Variants in ZNF490 observed in about 807,000 individuals in gnomAD.
The protein encoded by ZNF490 is zinc finger protein 490.
In ZNF490, 11 loss-of-function variants were observed where a neutral mutation model predicts 17.7. That is an observed-to-expected ratio of 0.62 (90% CI 0.39 to 1.03). The LOEUF is 1.03. Among genes scored for constraint, ZNF490 ranks in the 50% least tolerant of loss-of-function variants. The pLI is 0.00. For synonymous variants in ZNF490, 222 were observed against 216.1 expected (o/e 1.03, Z -0.24); for missense variants, 542 against 643.4 (o/e 0.84, Z 1.71).
At chr19:12,605,126 C>T (rs1478972037) in intron 2 of ZNF490, among the ~76,000 whole-genome samples, 1 of 152,094 alleles carries the variant, frequency 6.6e-6, no homozygotes, top group Non-Finnish European at 1.5e-5. Context: ...ACACTCCAGC[C>T]TGGCAACAGA....
chr19:12,581,946 C>T (rs566871211), intron 4 of ZNF490, among the ~76,000 whole-genome samples: 65 of 152,238 alleles, frequency 4.3e-4, no homozygotes, highest in African/African-American at 1.5e-3. Flanking sequence ...ATTTTTGAGA[C>T]GGAGTCTCTC....
At chr19:12,610,185 G>A (rs2023128882) in intron 1 of ZNF490, among the ~76,000 whole-genome samples, 1 of 144,524 alleles carries the variant, frequency 6.9e-6, no homozygotes, top group South Asian at 2.2e-4. Context: ...GGTGTCCTAC[G>A]GATTGTTTTT....
In ZNF490 at chr19:12,580,350, C is replaced by A; in HGVS notation, c.*135G>T. Reference sequence around the variant, plus strand: ...AAATATTTCATTGCCGCATGAGTCACGTCTTCAAAGGGAATTAGGACAACT... The same window carrying A: ...AAATATTTCATTGCCGCATGAGTCAAGTCTTCAAAGGGAATTAGGACAACT... On this transcript the variant is annotated 3_prime_UTR_variant, in exon 5 of 5. Coordinates refer to ENST00000311437, the MANE Select transcript of ZNF490 (RefSeq NM_020714.3). 6.8e-7 allele frequency: 1 copy of A among 1,462,060 alleles called. No homozygotes were observed. The highest frequency in any genetic ancestry group is 1.6e-5 in the South Asian group (1 of 62,296). The allele number at this position is 1,462,060 out of a possible 1,614,324, so 90.6% of individuals were successfully genotyped here. A position where few individuals can be genotyped will look rare whatever the true frequency, so the allele number is the denominator to read the frequency against.
chr19:12,585,869 T>C lies in ZNF490; in HGVS notation c.163-2313A>G, dbSNP rs2022803275. Among the ~76,000 whole-genome samples, 2 of 93,322 alleles carry C rather than the reference T, an allele frequency of 2.1e-5. 1 individual carries two copies. The highest frequency in any genetic ancestry group is 6.4e-5 in the African/African-American group (2 of 31,270). The allele number at this position is 93,322 out of a possible 152,430, so 61.2% of individuals were successfully genotyped here. ...CACACCCAGCTAATTTTTGTATTTTTAGTAGAGACAGGGTGTTTCTTCATG... is the reference window on the plus strand; with the variant it reads ...CACACCCAGCTAATTTTTGTATTTTCAGTAGAGACAGGGTGTTTCTTCATG... On this transcript the variant is annotated intron_variant, in intron 2 of 4. Coordinates refer to ENST00000311437, the MANE Select transcript of ZNF490 (RefSeq NM_020714.3).
chr19:12,593,236 A>G (rs1241136656), intron 2 of ZNF490, among the ~76,000 whole-genome samples: 2 of 149,146 alleles, frequency 1.3e-5, no homozygotes, highest in African/African-American at 4.9e-5. Flanking sequence ...AGATTCCCAG[A>G]GTTTTGTGGG....
At chr19:12,602,433 C>G (rs2023019438) in intron 2 of ZNF490, among the ~76,000 whole-genome samples, 1 of 151,900 alleles carries the variant, frequency 6.6e-6, no homozygotes, top group African/African-American at 2.4e-5. Flanking sequence ...ACCTGTAGTC[C>G]CAACTATGTA....
At chr19:12,590,973 C>T (rs941562621) in intron 2 of ZNF490, among the ~76,000 whole-genome samples, 28 of 150,362 alleles carry the variant, frequency 1.9e-4, no homozygotes, top group Admixed American at 1.7e-3. Flanking sequence ...GAAAATAGAT[C>T]AAAGATGTAA....
At position 12,581,264 on chromosome 19, in the gene ZNF490, T is replaced by A. The variant is rs2022729264; in HGVS notation, c.811A>T (p.Asn271Tyr). ...YLTALRRHEK[N>Y]HTGEKPYKCK... ...TTGTAGGGTTTCTCTCCAGTGTGATTTTTTTCATGGCGCCGAAGAGCAGTG... is the reference window on the plus strand; with the variant it reads ...TTGTAGGGTTTCTCTCCAGTGTGATATTTTTCATGGCGCCGAAGAGCAGTG... Residue 271 changes from asparagine to tyrosine, a missense_variant, in exon 5 of 5, where the codon AAT becomes TAT. Asn to Tyr is a moderately radical substitution (Grantham distance 143). Transcript: ENST00000311437. 1 of 1,614,056 alleles carries A rather than the reference T, an allele frequency of 6.2e-7. No individual in the cohort carries two copies.
intron 2 of ZNF490, 110 bp downstream of exon 2, chr19:12,609,048 T>G (rs1032208978): frequency 1.9e-6 from 2 of 1,032,212 alleles, no homozygotes; most frequent in South Asian, 2.8e-5. Context: ...TGGGAGTGCC[T>G]TCACAAAGAC....
In ZNF490 at chr19:12,578,822, G is replaced by A. The variant is rs925460882; in HGVS notation, c.*1663C>T. On this transcript the variant is annotated 3_prime_UTR_variant, in exon 5 of 5. Coordinates refer to ENST00000311437, the MANE Select transcript of ZNF490 (RefSeq NM_020714.3). ...TGGATGCCACAAAAGGCCTGCTGGG[G>A]CCCAAGTCCTTCTTCCCCATTCCTT... 4 of 985,350 alleles carry A rather than the reference G, an allele frequency of 4.1e-6. No homozygotes were observed. In the African/African-American group the frequency reaches 5.2e-5, roughly 13 times the overall value. 61.0% of individuals were successfully genotyped at this position (985,350 alleles called of 1,614,324 possible). A position where few individuals can be genotyped will look rare whatever the true frequency, so the allele number is the denominator to read the frequency against.
Position 12,583,552 on chromosome 19 carries a change from G to T in ZNF490, c.167C>A (p.Ser56Tyr). ...CACAGCCACATCCTCAAGGGAGATG[G>T]AGTCCTAAAACATCCCCCATGTGTG... ...HGQSIKTQTD[S>Y]ISLEDVAVNF... The change falls in exon 3 of 5, where the codon TCC becomes TAC. Residue 56 changes from serine (S) to tyrosine (Y), a missense_variant. Coordinates refer to ENST00000311437, the MANE Select transcript of ZNF490 (RefSeq NM_020714.3). The T allele has an allele frequency of 6.3e-7, 1 of 1,595,708 alleles. No homozygotes were observed. Among genetic ancestry groups the T allele is most frequent in the Non-Finnish European group, 8.6e-7 (1 of 1,168,308 alleles).
intron 2 of ZNF490, among the ~76,000 whole-genome samples, chr19:12,593,249 T>A (rs2022894070): frequency 6.6e-6 from 1 of 151,656 alleles, no homozygotes; most frequent in African/African-American, 2.4e-5. Context: ...TTTGTGGGTT[T>A]TTTTTTTTTT....
intron 2 of ZNF490, among the ~76,000 whole-genome samples, chr19:12,601,870 T>C (rs1242400064): frequency 2.0e-5 from 3 of 151,678 alleles, no homozygotes; most frequent in Non-Finnish European, 4.4e-5. Flanking sequence ...GGCAGGCTCC[T>C]GTAGTCCCAG....
At chr19:12,596,122 G>A (rs1160281882) in intron 2 of ZNF490, among the ~76,000 whole-genome samples, 1 of 151,538 alleles carries the variant, frequency 6.6e-6, no homozygotes, top group Non-Finnish European at 1.5e-5. Context: ...AAAATGGGCC[G>A]GGTGTGGTGG....
chr19:12,578,334 G>C lies in ZNF490; in HGVS notation c.*2151C>G. On this transcript the variant is annotated 3_prime_UTR_variant, in exon 5 of 5. Coordinates refer to ENST00000311437, the MANE Select transcript of ZNF490 (RefSeq NM_020714.3). Reference sequence around the variant, plus strand: ...TCTGTGACTCCACTAGCAGTTTTGAGATTATTCTGACTGTGGTGGTTGGTG... The same window carrying C: ...TCTGTGACTCCACTAGCAGTTTTGACATTATTCTGACTGTGGTGGTTGGTG... 1.0e-6 allele frequency: 1 copy of C among 985,660 alleles called. No individual in the cohort carries two copies. Among genetic ancestry groups the C allele is most frequent in the Non-Finnish European group, 1.2e-6 (1 of 830,060 alleles). The allele number at this position is 985,660 out of a possible 1,614,324, so 61.1% of individuals were successfully genotyped here.
intron 2 of ZNF490, among the ~76,000 whole-genome samples, chr19:12,604,829 A>C (rs532251708): frequency 0.016 from 2,483 of 150,776 alleles, 81 homozygotes; most frequent in African/African-American, 0.058. Context: ...CGTCTCAAAA[A>C]AAAAATAATA....
intron 2 of ZNF490, among the ~76,000 whole-genome samples, chr19:12,593,414 A>AT (rs575951158): frequency 2.6e-5 from 4 of 151,738 alleles, no homozygotes; most frequent in Admixed American, 2.6e-4. Flanking sequence ...CACCTGGCTA[A>AT]TTTTTTTGTA....
At chr19:12,583,175 A>G (rs967859534) in intron 3 of ZNF490, among the ~76,000 whole-genome samples, 1 of 151,708 alleles carries the variant, frequency 6.6e-6, no homozygotes, top group Admixed American at 6.6e-5. Context: ...CTGAGTAGCC[A>G]GAATTACAGG....
chr19:12,578,154 GATGCATGTGAC>G lies in ZNF490; in HGVS notation c.*2320_*2330del, dbSNP rs1421551070. On this transcript the variant is annotated 3_prime_UTR_variant, in exon 5 of 5. Coordinates refer to ENST00000311437, the MANE Select transcript of ZNF490 (RefSeq NM_020714.3). Reference sequence around the variant, plus strand: ...GGCTAGGAAACCAGTCCTGGAGCAGGATGCATGTGACATGCACTGACGTGAGAAGGCCGGAG... The same window carrying G: ...GGCTAGGAAACCAGTCCTGGAGCAGGATGCACTGACGTGAGAAGGCCGGAG... 1 of 985,390 alleles carries G rather than the reference GATGCATGTGAC, an allele frequency of 1.0e-6. No homozygotes were observed. Among genetic ancestry groups the G allele is most frequent in the African/African-American group, 1.7e-5 (1 of 57,226 alleles). 61.0% of individuals were successfully genotyped at this position (985,390 alleles called of 1,614,324 possible). A position where few individuals can be genotyped will look rare whatever the true frequency, so the allele number is the denominator to read the frequency against.
Sources: gnomAD v4.1 joint callset for allele counts (sites outside exome capture counted in the v4.1 genomes callset) on GRCh38, gnomAD v4.1.1 for gene constraint, MANE v1.5 for transcripts, NCBI Gene and HGNC (gene_info 2026-07-23, HGNC 2026-07-21) for gene names.